Variants in MYH16 observed in about 807,000 individuals in gnomAD.
The protein encoded by MYH16 is myosin heavy chain 16.
intron 24 of MYH16, 57 bp downstream of exon 6, chr7:99,283,708 C>T (rs1792235837): frequency 8.8e-6 from 4 of 455,066 alleles, no homozygotes; most frequent in East Asian, 6.9e-5. Context: ...CCTCTGGGGG[C>T]ACGGGGTCCG....
At chr7:99,282,824 T>C (rs1792219092) in intron 23 of MYH16, among the ~76,000 whole-genome samples, 1 of 123,270 alleles carries the variant, frequency 8.1e-6, no homozygotes, top group Non-Finnish European at 1.5e-5. Flanking sequence ...AGGAAGATCC[T>C]ATCTCAAAAA....
chr7:99,256,906 G>A (rs1318260367), intron 9 of MYH16, among the ~76,000 whole-genome samples: 12 of 151,862 alleles, frequency 7.9e-5, no homozygotes, highest in Admixed American at 2.6e-4. Context: ...AGCCATGATC[G>A]TGCCACTGCA....
At chr7:99,281,799 G>A (rs900360258) in intron 23 of MYH16, among the ~76,000 whole-genome samples, 3 of 152,206 alleles carry the variant, frequency 2.0e-5, no homozygotes, top group African/African-American at 4.8e-5. Flanking sequence ...ATGCAGAGCC[G>A]GCTCTGACCG....
At position 99,299,916 on chromosome 7, in the gene MYH16, TTTTTA is replaced by T. The variant is rs1030693966; in HGVS notation, n.4933+272_4933+276del. ...AAACAGGAAGTTGGGCCCGTCTAGATTTTTATTTTATTTTATTTATTTATTTATTT... is the reference window on the plus strand; with the variant it reads ...AAACAGGAAGTTGGGCCCGTCTAGATTTTTATTTTATTTATTTATTTATTT... On this transcript the variant is annotated intron_variant and non_coding_transcript_variant, in intron 37 of 41. Transcript: ENST00000439784. Among the ~76,000 whole-genome samples the T allele has an allele frequency of 5.4e-5, 8 of 148,582 alleles. No homozygotes were observed. The East Asian group carries it at 9.8e-4, about 18-fold the overall frequency.
At chr7:99,295,536 C>A (rs533710208) in intron 33 of MYH16, among the ~76,000 whole-genome samples, 2 of 152,286 alleles carry the variant, frequency 1.3e-5, no homozygotes, top group East Asian at 3.9e-4. Context: ...AGGATTTCCA[C>A]TGGCATACAC....
In MYH16 at chr7:99,264,035, G is replaced by A. The variant is rs368823516; in HGVS notation, n.1883-215G>A. 2.6e-4 allele frequency among the ~76,000 whole-genome samples: 39 copies of A among 152,286 alleles called. No individual in the cohort carries two copies. In the South Asian group the frequency reaches 4.1e-3, roughly 16 times the overall value. On this transcript the variant is annotated intron_variant and non_coding_transcript_variant, in intron 14 of 41. Transcript: ENST00000439784. Reference sequence around the variant, plus strand: ...TCACAAAAGACTGCACCCTCCCAAGGAGCACAGCAACTCTTTTGAGAATTA... The same window carrying A: ...TCACAAAAGACTGCACCCTCCCAAGAAGCACAGCAACTCTTTTGAGAATTA...
intron 36 of MYH16, 149 bp downstream of exon 17, chr7:99,298,144 A>C (rs763216723): frequency 1.0e-4 from 37 of 366,490 alleles, no homozygotes; most frequent in Non-Finnish European, 1.7e-4. Flanking sequence ...ATGAAATGGA[A>C]ATAAAGACTG....
At chr7:99,271,177 G>T (rs1020546579) in intron 19 of MYH16, 1 of 152,526 alleles carries the variant, frequency 6.6e-6, no homozygotes, top group African/African-American at 2.4e-5. Flanking sequence ...TGCGTGGTGG[G>T]CCAGGGGTGG....
chr7:99,277,765 G>A (rs548559663), intron 21 of MYH16, 53 bp downstream of exon 3: 2 of 407,352 alleles, frequency 4.9e-6, no homozygotes, highest in African/African-American at 4.1e-5. Context: ...CCTGGACCCT[G>A]GGAGGGAGGA....
At chr7:99,285,167 C>T (rs531068043) in intron 26 of MYH16, among the ~76,000 whole-genome samples, 3 of 152,340 alleles carry the variant, frequency 2.0e-5, no homozygotes, top group African/African-American at 7.2e-5. Context: ...TCCACTCTAT[C>T]CAGCCATGCT....
exon 38 of MYH16, chr7:99,301,655 C>T (rs61673162): frequency 0.091 from 13,975 of 153,332 alleles, 1,683 homozygotes; most frequent in African/African-American, 0.27. Context: ...GCTGCGGAAG[C>T]AGTACAACCT....
chr7:99,301,886 C>G (rs943920718), intron 38 of MYH16, 82 bp downstream of exon 19: 6 of 152,650 alleles, frequency 3.9e-5, no homozygotes, highest in African/African-American at 1.4e-4. Flanking sequence ...CGGGATGGTG[C>G]CCAAACCACG....
intron 32 of MYH16, among the ~76,000 whole-genome samples, chr7:99,293,343 G>A (rs1004332648): frequency 6.6e-6 from 1 of 152,142 alleles, no homozygotes; most frequent in Non-Finnish European, 1.5e-5. Context: ...TAGCAAATAA[G>A]GCATAGTGAC....
intron 20 of MYH16, among the ~76,000 whole-genome samples, chr7:99,274,261 T>C (rs1792082390): frequency 6.6e-6 from 1 of 152,210 alleles, no homozygotes; most frequent in Non-Finnish European, 1.5e-5. Flanking sequence ...GCACTGCACA[T>C]GGGTCCAATC....
chr7:99,278,246 A>G (rs985571749), intron 21 of MYH16, among the ~76,000 whole-genome samples: 12 of 152,062 alleles, frequency 7.9e-5, no homozygotes, highest in Non-Finnish European at 1.6e-4. Context: ...CCCAGCCTCC[A>G]TCAAATTCTT....
chr7:99,285,170 G>C (rs1371768573), intron 26 of MYH16, among the ~76,000 whole-genome samples: 3 of 152,184 alleles, frequency 2.0e-5, no homozygotes, highest in Non-Finnish European at 2.9e-5. Context: ...ACTCTATCCA[G>C]CCATGCTGGC....
At chr7:99,255,346 G>T (rs1791858374) in intron 8 of MYH16, among the ~76,000 whole-genome samples, 2 of 152,080 alleles carry the variant, frequency 1.3e-5, no homozygotes, top group Non-Finnish European at 1.5e-5. Flanking sequence ...TACTCAGGAG[G>T]CTGAGGCAGG....
downstream of MYH16, among the ~76,000 whole-genome samples, chr7:99,308,168 G>A (rs1001521492): frequency 1.3e-5 from 2 of 151,666 alleles, no homozygotes; most frequent in African/African-American, 2.4e-5. Flanking sequence ...GATGGCACAC[G>A]CCTGTAATCC....
chr7:99,283,751 C>T, intron 24 of MYH16, 100 bp downstream of exon 6: 1 of 441,254 alleles, frequency 2.3e-6, no homozygotes, highest in South Asian at 1.6e-5. Flanking sequence ...CCAACACATC[C>T]CCCGGGGCGT....
Sources: gnomAD v4.1 joint callset for allele counts (sites outside exome capture counted in the v4.1 genomes callset) on GRCh38, gnomAD v4.1.1 for gene constraint, MANE v1.5 for transcripts, NCBI Gene and HGNC (gene_info 2026-07-23, HGNC 2026-07-21) for gene names.